Variants in SORCS2 observed in about 807,000 individuals in gnomAD.
The protein encoded by SORCS2 is sortilin related VPS10 domain containing receptor 2, also known as VPS10 domain-containing receptor SorCS2.
Under a neutral mutation model 141.6 loss-of-function variants are expected in SORCS2, and 100 were observed. The observed-to-expected ratio is 0.71, with a 90% CI of 0.60 to 0.83. The LOEUF (loss-of-function observed/expected upper bound fraction) is 0.83. SORCS2 is among the 40% of genes least tolerant of loss of function. The probability of loss-of-function intolerance (pLI) is 0.00; values close to 1 mark genes in which losing one functional copy is unlikely to be tolerated. For synonymous variants in SORCS2, 789 were observed against 676.9 expected, an observed-to-expected ratio of 1.17 and a Z score of -2.57; for missense variants, 1,646 against 1,560.2, an observed-to-expected ratio of 1.05 and a Z score of -0.93.
Position 7,634,371 on chromosome 4 carries a change from C to CA in SORCS2, c.649-3943dup, listed in dbSNP as rs57071486. ...CTGAAAACAGAGCGAGACTGTGTCTCAAAAAAAAAAAAAAGAACCTAGGGA... is the reference window on the plus strand; with the variant it reads ...CTGAAAACAGAGCGAGACTGTGTCTCAAAAAAAAAAAAAAAGAACCTAGGGA... On this transcript the variant is annotated intron_variant, in intron 3 of 26. Transcript: ENST00000507866. Among the ~76,000 whole-genome samples, 299 of 135,832 alleles carry CA rather than the reference C, an allele frequency of 2.2e-3. 1 individual carries two copies. Among genetic ancestry groups the CA allele is most frequent in the Non-Finnish European group, 3.7e-3 (230 of 62,388 alleles). The allele number at this position is 135,832 out of a possible 152,430, so 89.1% of individuals were successfully genotyped here. A position where few individuals can be genotyped will look rare whatever the true frequency, so the allele number is the denominator to read the frequency against.
At chr4:7,699,580 C>T (rs927161724) in intron 12 of SORCS2, among the ~76,000 whole-genome samples, 9 of 152,146 alleles carry the variant, frequency 5.9e-5, no homozygotes, top group African/African-American at 2.2e-4. Context: ...TCAGCAGCCC[C>T]ATCTCTCTCG....
chr4:7,408,841 T>C (rs1725134253), intron 2 of SORCS2, among the ~76,000 whole-genome samples: 1 of 152,192 alleles, frequency 6.6e-6, no homozygotes, highest in South Asian at 2.1e-4. Context: ...AAATAGCCTG[T>C]CTTTAAGCTC....
intron 3 of SORCS2, among the ~76,000 whole-genome samples, chr4:7,613,840 C>A (rs112432483): frequency 4.6e-5 from 7 of 151,986 alleles, no homozygotes; most frequent in Non-Finnish European, 1.0e-4. Context: ...CCTATCCATT[C>A]ACTCATCCGC....
intron 1 of SORCS2, among the ~76,000 whole-genome samples, chr4:7,360,025 T>A (rs1378651509): frequency 1.3e-5 from 2 of 152,146 alleles, no homozygotes; most frequent in South Asian, 2.1e-4. Flanking sequence ...GTAGCAGCCA[T>A]GCCCTAAAAC....
chr4:7,484,772 C>T (rs900175655), intron 2 of SORCS2, among the ~76,000 whole-genome samples: 1 of 151,932 alleles, frequency 6.6e-6, no homozygotes, highest in Non-Finnish European at 1.5e-5. Context: ...CCACCTCCTG[C>T]ACCCAGCCCT....
chr4:7,626,125 T>C (rs1719500734), intron 3 of SORCS2, among the ~76,000 whole-genome samples: 1 of 151,986 alleles, frequency 6.6e-6, no homozygotes, highest in African/African-American at 2.4e-5. Context: ...CCAGCCTGGG[T>C]GACAGGGCAA....
At chr4:7,737,263 GGGCCGC>G in intron 26 of SORCS2, 91 bp downstream of exon 26, 2 of 1,508,898 alleles carry the variant, frequency 1.3e-6, no homozygotes, top group Non-Finnish European at 1.8e-6. Flanking sequence ...CCACCCCGCT[GGGCCGC>G]TGGGGCCAGC....
intron 1 of SORCS2, among the ~76,000 whole-genome samples, chr4:7,367,873 C>T (rs975246042): frequency 2.0e-5 from 3 of 152,216 alleles, no homozygotes; most frequent in African/African-American, 7.2e-5. Context: ...AATCCCAGCT[C>T]AGGAGCACAG....
At chr4:7,272,035 C>G (rs1423526894) in intron 1 of SORCS2, among the ~76,000 whole-genome samples, 2 of 152,176 alleles carry the variant, frequency 1.3e-5, no homozygotes, top group African/African-American at 4.8e-5. Flanking sequence ...CACTCACATG[C>G]TTGGGCGGGG....
At chr4:7,522,660 C>G (rs1733403376) in intron 2 of SORCS2, among the ~76,000 whole-genome samples, 1 of 149,778 alleles carries the variant, frequency 6.7e-6, no homozygotes, top group Non-Finnish European at 1.5e-5. Context: ...CTCCCTCCTT[C>G]TTTCCTCCTC....
chr4:7,681,450 A>G (rs1258923973), intron 9 of SORCS2, among the ~76,000 whole-genome samples: 2 of 152,242 alleles, frequency 1.3e-5, no homozygotes, highest in African/African-American at 2.4e-5. Flanking sequence ...GGAAGGGGCC[A>G]TGAGCCAAGG....
At chr4:7,330,144 C>T (rs549260207) in intron 1 of SORCS2, among the ~76,000 whole-genome samples, 29 of 151,974 alleles carry the variant, frequency 1.9e-4, no homozygotes, top group African/African-American at 6.5e-4. Context: ...CTGGCTCCTG[C>T]TTGGTCGTCC....
chr4:7,613,124 G>A lies in SORCS2; in HGVS notation c.649-25204G>A, dbSNP rs150497699. 2.4e-3 allele frequency among the ~76,000 whole-genome samples: 366 copies of A among 152,376 alleles called. 1 individual carries two copies. Among genetic ancestry groups the A allele is most frequent in the Middle Eastern group, 0.017 (5 of 294 alleles). On this transcript the variant is annotated intron_variant, in intron 3 of 26. Transcript: ENST00000507866. The stretch of plus-strand genomic sequence containing the variant: ...GCTCACAGACATCTCTCCTCTGAAG[G>A]AGGTGTCAGCCTTCCAGGCAGAGGG...
chr4:7,387,956 A>G (rs1025584902), intron 1 of SORCS2, among the ~76,000 whole-genome samples: 6 of 137,040 alleles, frequency 4.4e-5, no homozygotes, highest in African/African-American at 9.0e-5. Flanking sequence ...ACACACATGC[A>G]CACACACACA....
At chr4:7,509,371 T>G (rs1384539995) in intron 2 of SORCS2, among the ~76,000 whole-genome samples, 1 of 151,354 alleles carries the variant, frequency 6.6e-6, no homozygotes, top group Non-Finnish European at 1.5e-5. Context: ...CATTGTGGAG[T>G]CCGGTGGGAG....
At chr4:7,517,274 G>T (rs1733048681) in intron 2 of SORCS2, among the ~76,000 whole-genome samples, 2 of 152,166 alleles carry the variant, frequency 1.3e-5, no homozygotes, top group Admixed American at 1.3e-4. Flanking sequence ...TTTCAGCCGG[G>T]TTTCCACAAT....
chr4:7,402,481 C>T (rs1724655877), intron 2 of SORCS2, among the ~76,000 whole-genome samples: 1 of 152,146 alleles, frequency 6.6e-6, no homozygotes, highest in Non-Finnish European at 1.5e-5. Flanking sequence ...GCTTTATGTG[C>T]CCAACTTTGT....
chr4:7,717,984 G>C (rs375121399), intron 17 of SORCS2, 28 bp from the exon 18 acceptor site: 1 of 1,571,896 alleles, frequency 6.4e-7, no homozygotes, highest in Non-Finnish European at 8.6e-7. Context: ...TGTCTGAAGC[G>C]GACCCTGACC....
chr4:7,460,522 T>C (rs1729233087), intron 2 of SORCS2, among the ~76,000 whole-genome samples: 2 of 152,218 alleles, frequency 1.3e-5, no homozygotes, highest in South Asian at 4.2e-4. Flanking sequence ...CCATTGTGTC[T>C]AGAGCCGCTC....
Sources: gnomAD v4.1 joint callset for allele counts (sites outside exome capture counted in the v4.1 genomes callset) on GRCh38, gnomAD v4.1.1 for gene constraint, MANE v1.5 for transcripts, NCBI Gene and HGNC (gene_info 2026-07-23, HGNC 2026-07-21) for gene names.